The following AIF1L variants were observed in gnomAD, a reference collection of about 807,000 sequenced individuals.
AIF1L encodes allograft inflammatory factor 1 like.
AIF1L carries 12 observed loss-of-function variants against 20.7 expected under a neutral mutation model. That is an observed-to-expected ratio of 0.58 (90% CI 0.37 to 0.94). The LOEUF (loss-of-function observed/expected upper bound fraction) is 0.94, where lower values mean the gene tolerates loss of function less well. AIF1L is among the 40% of genes least tolerant of loss of function. The pLI is 0.01. For synonymous variants in AIF1L, 76 were observed against 65.1 expected (o/e 1.17, Z -0.81); for missense variants, 173 against 185.3 (o/e 0.93, Z 0.39).
intron 2 of AIF1L, chr9:131,106,319 T>C (rs1350579346): frequency 7.8e-7 from 1 of 1,284,520 alleles, no homozygotes; most frequent in African/African-American, 1.5e-5. Flanking sequence ...ACATGTTTAT[T>C]GAGCGTCTGC....
intron 4 of AIF1L, among the ~76,000 whole-genome samples, chr9:131,116,644 A>G (rs1174437264): frequency 6.6e-6 from 1 of 152,226 alleles, no homozygotes; most frequent in Non-Finnish European, 1.5e-5. Context: ...TGTGTGGACC[A>G]TTTGGATGCC....
At chr9:131,111,893 C>T (rs560500731) in intron 3 of AIF1L, 27 of 555,854 alleles carry the variant, frequency 4.9e-5, no homozygotes, top group East Asian at 1.5e-4. Flanking sequence ...GCCTGCAGCC[C>T]GGTCCTGGCC....
chr9:131,108,900 G>A (rs1830811079), intron 2 of AIF1L, among the ~76,000 whole-genome samples: 1 of 152,214 alleles, frequency 6.6e-6, no homozygotes, highest in South Asian at 2.1e-4. Context: ...TTGCTTTATA[G>A]TCAGTTAGTT....
In AIF1L at chr9:131,101,857, G is replaced by A. The variant is rs77674047; in HGVS notation, c.93+4994G>A. Among the ~76,000 whole-genome samples, 784 of 152,228 alleles carry A rather than the reference G, an allele frequency of 5.2e-3. 5 individuals carry two copies. Among genetic ancestry groups the A allele is most frequent in the African/African-American group, 0.018 (751 of 41,546 alleles). ...CCCAATGGTCCAGCCCTCCTGGGTC[G>A]AATGAAGGGCACTCAGCATTCCCTG... On this transcript the variant is annotated intron_variant, in intron 2 of 5. Coordinates refer to ENST00000247291, the MANE Select transcript of AIF1L (RefSeq NM_031426.4).
chr9:131,108,746 T>C (rs922354625), intron 2 of AIF1L, among the ~76,000 whole-genome samples: 4 of 152,192 alleles, frequency 2.6e-5, no homozygotes, highest in African/African-American at 9.7e-5. Flanking sequence ...ATTTGAGCCA[T>C]AGAAGAGGCC....
chr9:131,117,085 C>T (rs768427005), intron 4 of AIF1L, among the ~76,000 whole-genome samples: 14 of 151,982 alleles, frequency 9.2e-5, no homozygotes, highest in Non-Finnish European at 1.6e-4. Flanking sequence ...GAGACAGCAC[C>T]GCCTCGGGCT....
At chr9:131,111,749 C>T in intron 3 of AIF1L, 86 bp downstream of exon 3, 3 of 1,304,898 alleles carry the variant, frequency 2.3e-6, no homozygotes, top group Non-Finnish European at 3.3e-6. Flanking sequence ...CTCAGCCCCA[C>T]AGGACTAGGC....
chr9:131,110,505 CTTT>C (rs199767868), intron 2 of AIF1L, among the ~76,000 whole-genome samples: 3 of 138,428 alleles, frequency 2.2e-5, no homozygotes, highest in Non-Finnish European at 3.1e-5. Context: ...TTTTTCTTTT[CTTT>C]TTTTTTTTTT....
rs369148520 is a variant in AIF1L, at chr9:131,111,675, C to T, written c.160+12C>T. 49 of 1,612,948 alleles carry T rather than the reference C, an allele frequency of 3.0e-5. No individual in the cohort carries two copies. Among genetic ancestry groups the T allele is most frequent in the South Asian group, 1.6e-4 (15 of 91,066 alleles). ...CACAGCCTTCAAAGGTAAGCTGGGG[C>T]GGGCTGCCCTGCATTTATTCCTGGG... is the stretch of plus-strand genomic sequence containing the variant. On this transcript the variant is annotated intron_variant, in intron 3 of 5. Coordinates refer to ENST00000247291, the MANE Select transcript of AIF1L (RefSeq NM_031426.4).
intron 4 of AIF1L, among the ~76,000 whole-genome samples, chr9:131,116,515 C>T (rs1246646025): frequency 4.6e-5 from 7 of 152,310 alleles, no homozygotes; most frequent in South Asian, 2.1e-4. Context: ...CCGCCTGCCT[C>T]GTCGTCCCAA....
rs1262381332 is a variant in AIF1L, at chr9:131,121,952, ATATT to A, written c.*1635_*1638del. 3.3e-5 allele frequency: 5 copies of A among 152,286 alleles called. No homozygotes were observed. The highest frequency in any genetic ancestry group is 1.2e-4 in the African/African-American group (5 of 41,476). 9.4% of individuals were successfully genotyped at this position (152,286 alleles called of 1,614,324 possible). A position where few individuals can be genotyped will look rare whatever the true frequency, so the allele number is the denominator to read the frequency against. The stretch of plus-strand genomic sequence containing the variant: ...GGACTGAGACAGTTATTCACTGAAC[ATATT>A]TATTAAGCACTTGCTGTAGGCCAAC... On this transcript the variant is annotated 3_prime_UTR_variant, in exon 6 of 6. Coordinates refer to ENST00000247291, the MANE Select transcript of AIF1L (RefSeq NM_031426.4).
intron 2 of AIF1L, among the ~76,000 whole-genome samples, chr9:131,101,045 G>A (rs353536): frequency 0.43 from 65,237 of 151,862 alleles, 15,135 homozygotes; most frequent in East Asian, 0.54. Context: ...CTATAGGCGC[G>A]CACCACCACG....
intron 5 of AIF1L, among the ~76,000 whole-genome samples, chr9:131,118,292 C>T (rs1438567496): frequency 6.6e-6 from 1 of 152,100 alleles, no homozygotes; most frequent in Non-Finnish European, 1.5e-5. Flanking sequence ...GGGGTTTTGC[C>T]ATGTTGGCCA....
intron 2 of AIF1L, among the ~76,000 whole-genome samples, chr9:131,098,593 A>T (rs1830574369): frequency 1.3e-5 from 2 of 150,774 alleles, no homozygotes; most frequent in Admixed American, 1.3e-4. Context: ...AGAAGAGCTA[A>T]GAGGGCGGGG....
Position 131,120,370 on chromosome 9 carries a change from GATCTTGCT to G in AIF1L, c.*49_*56del. On this transcript the variant is annotated 3_prime_UTR_variant, in exon 6 of 6. Coordinates refer to ENST00000247291, the MANE Select transcript of AIF1L (RefSeq NM_031426.4). ...CCTTCCCACCCCATACCTCCCTCCC[GATCTTGCT>G]GCCCTTCTTGACACACTGTGATCTC... 1.7e-6 allele frequency: 2 copies of G among 1,201,496 alleles called. No individual in the cohort carries two copies. The highest frequency in any genetic ancestry group is 2.2e-6 in the Non-Finnish European group (2 of 898,810). The allele number at this position is 1,201,496 out of a possible 1,614,324, so 74.4% of individuals were successfully genotyped here.
intron 2 of AIF1L, among the ~76,000 whole-genome samples, chr9:131,100,988 C>G (rs547685515): frequency 1.3e-5 from 2 of 152,118 alleles, no homozygotes; most frequent in Non-Finnish European, 2.9e-5. Flanking sequence ...ACCTCCACCC[C>G]CTAAGTTTAC....
At chr9:131,103,380 G>A (rs1830679677) in intron 2 of AIF1L, among the ~76,000 whole-genome samples, 1 of 152,142 alleles carries the variant, frequency 6.6e-6, no homozygotes, top group Non-Finnish European at 1.5e-5. Flanking sequence ...GGTGGGTGAT[G>A]TTCTTTCCCT....
At chr9:131,098,617 T>C (rs971304580) in intron 2 of AIF1L, among the ~76,000 whole-genome samples, 2 of 146,088 alleles carry the variant, frequency 1.4e-5, no homozygotes, top group Admixed American at 6.8e-5. Flanking sequence ...ACCTAGCCCT[T>C]GGGGAGGTGG....
intron 2 of AIF1L, among the ~76,000 whole-genome samples, chr9:131,102,041 C>T (rs535596351): frequency 2.6e-5 from 4 of 152,216 alleles, no homozygotes; most frequent in African/African-American, 7.2e-5. Context: ...CACAGCCTCC[C>T]GAGTAGCTGG....
Sources: allele counts gnomAD v4.1 joint callset (sites outside exome capture counted in the v4.1 genomes callset), GRCh38; gene constraint gnomAD v4.1.1; transcripts MANE v1.5; gene names NCBI Gene and HGNC (gene_info 2026-07-23, HGNC 2026-07-21).